The following SGCZ variants were observed in gnomAD, a reference collection of about 807,000 sequenced individuals.
SGCZ encodes the protein zeta-sarcoglycan.
A neutral mutation model predicts 41.3 loss-of-function variants in SGCZ; 40 were observed. That is an observed-to-expected ratio of 0.97 (90% confidence interval 0.75 to 1.26). The LOEUF (loss-of-function observed/expected upper bound fraction) is 1.26. Ranked by LOEUF, SGCZ falls within the 50% of genes most tolerant of loss-of-function variation. The pLI is 0.00. For missense variants in SGCZ, 552 were observed against 369.8 expected, an observed-to-expected ratio of 1.49 and a Z score of -4.04; for synonymous variants, 206 against 137.5, an observed-to-expected ratio of 1.50 and a Z score of -3.49.
At chr8:14,687,279 G>A (rs1000254640) in intron 1 of SGCZ, among the ~76,000 whole-genome samples, 2 of 150,362 alleles carry the variant, frequency 1.3e-5, no homozygotes, top group Non-Finnish European at 3.0e-5. Flanking sequence ...GTGCCATGTT[G>A]GTGTGCTGCA....
rs544046085 is a variant in SGCZ, at chr8:15,165,001, C to A, written c.39+72584G>T. ...TACTGTGTGATGTGTGTCAAAAGAG[C>A]TCTAATTAGGCCAGGCGCAGTGGCT... On this transcript the variant is annotated intron_variant, in intron 1 of 7. Coordinates refer to ENST00000382080, the MANE Select transcript of SGCZ (RefSeq NM_139167.4). Among the ~76,000 whole-genome samples the A allele has an allele frequency of 1.4e-4, 22 of 152,198 alleles. 1 individual carries two copies. The South Asian group carries it at 3.9e-3, about 27-fold the overall frequency.
chr8:15,164,667 T>TA (rs1483050397), intron 1 of SGCZ, among the ~76,000 whole-genome samples: 1 of 150,754 alleles, frequency 6.6e-6, no homozygotes, highest in Non-Finnish European at 1.5e-5. Flanking sequence ...GAAGACATTT[T>TA]ACTAGGCCAG....
intron 1 of SGCZ, among the ~76,000 whole-genome samples, chr8:14,802,219 G>C (rs568312461): frequency 6.6e-6 from 1 of 152,282 alleles, no homozygotes; most frequent in African/African-American, 2.4e-5. Context: ...CCTATCCTTT[G>C]CATGGGAATA....
chr8:14,352,571 T>G (rs1024868936), intron 2 of SGCZ, among the ~76,000 whole-genome samples: 3 of 152,124 alleles, frequency 2.0e-5, no homozygotes, highest in African/African-American at 4.8e-5. Context: ...GATTCTCTAG[T>G]GCCTCTGGCA....
At chr8:14,322,376 G>A (rs1171653239) in intron 3 of SGCZ, among the ~76,000 whole-genome samples, 1 of 152,078 alleles carries the variant, frequency 6.6e-6, no homozygotes, top group Non-Finnish European at 1.5e-5. Context: ...TGAACATGGA[G>A]TTAGCTTTCT....
At chr8:15,162,950 G>C (rs945045009) in intron 1 of SGCZ, among the ~76,000 whole-genome samples, 4 of 152,202 alleles carry the variant, frequency 2.6e-5, no homozygotes, top group Non-Finnish European at 2.9e-5. Flanking sequence ...AAAGTGGTCG[G>C]AGTAGGCAGC....
intron 1 of SGCZ, among the ~76,000 whole-genome samples, chr8:14,622,725 T>C (rs1283638927): frequency 6.6e-6 from 1 of 152,300 alleles, no homozygotes; most frequent in African/African-American, 2.4e-5. Flanking sequence ...TAAGTGAGAA[T>C]GGTGTAAAAA....
intron 1 of SGCZ, among the ~76,000 whole-genome samples, chr8:14,673,143 TAGTG>T (rs1808157664): frequency 6.6e-6 from 1 of 152,198 alleles, no homozygotes; most frequent in African/African-American, 2.4e-5. Context: ...CTATACAACA[TAGTG>T]AGTGTTATGA....
At chr8:14,727,960 A>G (rs1304650962) in intron 1 of SGCZ, among the ~76,000 whole-genome samples, 1 of 152,234 alleles carries the variant, frequency 6.6e-6, no homozygotes, top group African/African-American at 2.4e-5. Flanking sequence ...ATAAGTGCAC[A>G]GTAAAAAATA....
intron 1 of SGCZ, among the ~76,000 whole-genome samples, chr8:15,019,920 T>G (rs1803189095): frequency 6.6e-6 from 1 of 150,712 alleles, no homozygotes; most frequent in African/African-American, 2.4e-5. Flanking sequence ...AGCTTTGCAT[T>G]CAGGGATTAG....
At chr8:14,389,877 C>G (rs1235296528) in intron 2 of SGCZ, among the ~76,000 whole-genome samples, 1 of 151,902 alleles carries the variant, frequency 6.6e-6, no homozygotes, top group Non-Finnish European at 1.5e-5. Context: ...CCATATGAAA[C>G]TAATTGTAAA....
Position 14,243,678 on chromosome 8 carries a change from C to G in SGCZ, c.337-5999G>C, listed in dbSNP as rs537930340. ...ACATACCACTTATATTTATTTTCAC[C>G]TTCAGTTTCCCAGGCCTGAAATTCT... On this transcript the variant is annotated intron_variant, in intron 3 of 7. Coordinates refer to ENST00000382080, the MANE Select transcript of SGCZ (RefSeq NM_139167.4). Among the ~76,000 whole-genome samples the G allele has an allele frequency of 5.9e-5, 9 of 152,196 alleles. No individual in the cohort carries two copies. The South Asian group carries it at 1.9e-3, about 32-fold the overall frequency.
chr8:14,352,911 C>A (rs1803154285), intron 2 of SGCZ, among the ~76,000 whole-genome samples: 1 of 152,050 alleles, frequency 6.6e-6, no homozygotes, highest in African/African-American at 2.4e-5. Flanking sequence ...TAATTGATCT[C>A]TGCATACATA....
chr8:15,098,475 G>A (rs185369918), intron 1 of SGCZ, among the ~76,000 whole-genome samples: 41 of 152,250 alleles, frequency 2.7e-4, no homozygotes, highest in African/African-American at 9.6e-4. Context: ...ACAAACTCAT[G>A]TCTCCTAACT....
chr8:15,184,571 C>T (rs1461588787), intron 1 of SGCZ, among the ~76,000 whole-genome samples: 3 of 151,886 alleles, frequency 2.0e-5, no homozygotes, highest in East Asian at 3.9e-4. Context: ...TTTCATCACC[C>T]TAGATCTCTT....
intron 1 of SGCZ, among the ~76,000 whole-genome samples, chr8:14,819,056 T>C (rs529674460): frequency 3.3e-5 from 5 of 152,046 alleles, no homozygotes; most frequent in Admixed American, 2.6e-4. Context: ...CTCAAAGATC[T>C]GTGGATAGAT....
chr8:14,594,526 C>G (rs531122664), intron 1 of SGCZ, among the ~76,000 whole-genome samples: 1 of 150,304 alleles, frequency 6.7e-6, no homozygotes, highest in East Asian at 1.9e-4. Context: ...TTCCCGTGGA[C>G]TATAAAGCCA....
chr8:15,230,385 G>C (rs1801905857), intron 1 of SGCZ, among the ~76,000 whole-genome samples: 1 of 152,094 alleles, frequency 6.6e-6, no homozygotes, highest in Admixed American at 6.5e-5. Flanking sequence ...TGGAAATAGA[G>C]GACATGAATT....
At chr8:14,345,523 G>T (rs1474297826) in intron 2 of SGCZ, among the ~76,000 whole-genome samples, 4 of 152,098 alleles carry the variant, frequency 2.6e-5, no homozygotes, top group Non-Finnish European at 5.9e-5. Flanking sequence ...CATTATCTCT[G>T]CAGTTATCTG....
Sources: gnomAD v4.1 joint callset for allele counts (sites outside exome capture counted in the v4.1 genomes callset) on GRCh38, gnomAD v4.1.1 for gene constraint, MANE v1.5 for transcripts, NCBI Gene and HGNC (gene_info 2026-07-23, HGNC 2026-07-21) for gene names.